The following DLGAP2 variants were observed in gnomAD, a reference collection of about 807,000 sequenced individuals.
DLGAP2 encodes the protein DLG associated protein 2.
Under a neutral mutation model 100.3 loss-of-function variants are expected in DLGAP2, and 26 were observed. The ratio of observed to expected loss-of-function variants is 0.26; its 90% CI spans 0.19 to 0.36. DLGAP2 has a LOEUF of 0.36. Among genes scored for constraint, DLGAP2 ranks in the 10% least tolerant of loss-of-function variants. The probability of loss-of-function intolerance (pLI) is 1.00; values close to 1 mark genes in which losing one functional copy is unlikely to be tolerated. For missense variants in DLGAP2, 1,858 were observed against 1,453.2 expected, an observed-to-expected ratio of 1.28 and a Z score of -4.53; for synonymous variants, 886 against 630.1, an observed-to-expected ratio of 1.41 and a Z score of -6.08.
intron 3 of DLGAP2, among the ~76,000 whole-genome samples, chr8:1,480,099 C>T (rs553085536): frequency 3.9e-5 from 6 of 152,298 alleles, no homozygotes; most frequent in East Asian, 3.9e-4. Flanking sequence ...AGGGACGCCC[C>T]GCGCAGTGCA....
At chr8:1,236,306 T>C (rs1798653538) in intron 2 of DLGAP2, among the ~76,000 whole-genome samples, 1 of 57,400 alleles carries the variant, frequency 1.7e-5, no homozygotes, top group Non-Finnish European at 3.6e-5. Context: ...TCTAGTTCTC[T>C]CACATGGCGC....
intron 2 of DLGAP2, among the ~76,000 whole-genome samples, chr8:1,087,211 T>C (rs934312200): frequency 2.0e-5 from 3 of 152,210 alleles, no homozygotes; most frequent in Non-Finnish European, 4.4e-5. Flanking sequence ...CCGAAACATA[T>C]GAGATGCAGC....
intron 3 of DLGAP2, among the ~76,000 whole-genome samples, chr8:1,326,770 G>A (rs1172422604): frequency 2.0e-5 from 3 of 152,230 alleles, no homozygotes; most frequent in South Asian, 4.1e-4. Flanking sequence ...GAGAGACTAA[G>A]TTCACAGCTG....
At chr8:739,761 TG>T (rs1171364217) in intron 1 of DLGAP2, 1 of 152,238 alleles carries the variant, frequency 6.6e-6, no homozygotes, top group Non-Finnish European at 1.5e-5. Flanking sequence ...TCCTTCTGGA[TG>T]GTGTGACTTT....
chr8:1,314,860 T>C (rs1198318211), intron 3 of DLGAP2, among the ~76,000 whole-genome samples: 1 of 152,238 alleles, frequency 6.6e-6, no homozygotes, highest in Non-Finnish European at 1.5e-5. Flanking sequence ...TCTCTGAATT[T>C]CCATGGGTAA....
At chr8:1,011,577 G>T (rs1425868224) in intron 2 of DLGAP2, among the ~76,000 whole-genome samples, 1 of 146,138 alleles carries the variant, frequency 6.8e-6, no homozygotes, top group Non-Finnish European at 1.5e-5. Context: ...AGGAGTCTCA[G>T]TCTACACAGT....
intron 2 of DLGAP2, among the ~76,000 whole-genome samples, chr8:980,465 T>G (rs1800297788): frequency 6.6e-6 from 1 of 152,220 alleles, no homozygotes; most frequent in African/African-American, 2.4e-5. Context: ...AGTTTCCATT[T>G]CCTGTGTCAT....
At chr8:1,700,162 T>C (rs1049633915) in intron 14 of DLGAP2, among the ~76,000 whole-genome samples, 1 of 152,206 alleles carries the variant, frequency 6.6e-6, no homozygotes, top group African/African-American at 2.4e-5. Flanking sequence ...CTCACACAAC[T>C]GCCTGTCTTC....
At chr8:773,805 C>G (rs1028878090) in intron 1 of DLGAP2, among the ~76,000 whole-genome samples, 18 of 152,164 alleles carry the variant, frequency 1.2e-4, no homozygotes, top group African/African-American at 4.1e-4. Flanking sequence ...CCACAATAAA[C>G]ATACATGTGC....
In DLGAP2 at chr8:1,697,178, A is replaced by G. The variant is rs745529522; in HGVS notation, c.2828A>G (p.Gln943Arg). 1 of 1,606,368 alleles carries G rather than the reference A, an allele frequency of 6.2e-7. No individual in the cohort carries two copies. Among genetic ancestry groups the G allele is most frequent in the Admixed American group, 1.7e-5 (1 of 59,364 alleles). The change falls in exon 14 of 15, where the codon CAG becomes CGG. Residue 943 changes from glutamine to arginine, a missense_variant. Gln to Arg is a conservative substitution (Grantham distance 43). Coordinates refer to ENST00000637795, the MANE Select transcript of DLGAP2 (RefSeq NM_001346810.2). Reference sequence around the variant, plus strand: ...AGCGCCATGCCGAGGCCGACGTCGCAGGACCTGGCCGGCTACTGGGACATG... The same window carrying G: ...AGCGCCATGCCGAGGCCGACGTCGCGGGACCTGGCCGGCTACTGGGACATG... ...DPSAMPRPTS[Q>R]DLAGYWDMLQ...
chr8:1,141,864 T>A (rs1796527884), intron 2 of DLGAP2, among the ~76,000 whole-genome samples: 2 of 152,204 alleles, frequency 1.3e-5, no homozygotes. Context: ...GATGCTTTCT[T>A]TGTTTCTCTA....
Position 1,701,532 on chromosome 8 carries a change from G to A in DLGAP2, c.*126G>A, listed in dbSNP as rs1346765302. ...ACGTCCTCGCTCCCGCGCTCCCCGC[G>A]CCCCGGACACAGCGGGACGCGGCCG... On this transcript the variant is annotated 3_prime_UTR_variant, in exon 15 of 15. Transcript: ENST00000637795. 6.5e-6 allele frequency: 7 copies of A among 1,072,116 alleles called. No homozygotes were observed. Among genetic ancestry groups the A allele is most frequent in the African/African-American group, 3.2e-5 (2 of 61,940 alleles). 66.4% of individuals were successfully genotyped at this position (1,072,116 alleles called of 1,614,324 possible). A position where few individuals can be genotyped will look rare whatever the true frequency, so the allele number is the denominator to read the frequency against.
At chr8:1,413,035 C>G (rs918986829) in intron 3 of DLGAP2, among the ~76,000 whole-genome samples, 1 of 152,264 alleles carries the variant, frequency 6.6e-6, no homozygotes, top group South Asian at 2.1e-4. Context: ...CAAGTGTCCC[C>G]TCCTCTGTGA....
chr8:1,665,246 T>C (rs561280448), intron 8 of DLGAP2, among the ~76,000 whole-genome samples: 9 of 152,290 alleles, frequency 5.9e-5, no homozygotes, highest in Non-Finnish European at 8.8e-5. Context: ...TTAAATACAC[T>C]TAGTGAGGTC....
At chr8:1,288,190 AGT>A (rs1179699312) in intron 3 of DLGAP2, among the ~76,000 whole-genome samples, 60,402 of 93,400 alleles carry the variant, frequency 0.65, 19,206 homozygotes, top group Admixed American at 0.72. Context: ...GTTTCGGTTG[AGT>A]GTGTGTGTGT....
At chr8:918,763 C>G (rs1333163850) in intron 2 of DLGAP2, among the ~76,000 whole-genome samples, 1 of 152,158 alleles carries the variant, frequency 6.6e-6, no homozygotes, top group Admixed American at 6.5e-5. Context: ...GACATAGAGG[C>G]ACGTAGACAT....
chr8:920,569 A>G (rs1176795518), intron 2 of DLGAP2, among the ~76,000 whole-genome samples: 1 of 152,036 alleles, frequency 6.6e-6, no homozygotes, highest in Non-Finnish European at 1.5e-5. Context: ...CAGCCTGGGC[A>G]ACATGGTGAG....
chr8:1,043,840 A>G (rs1802441724), intron 2 of DLGAP2, among the ~76,000 whole-genome samples: 1 of 152,062 alleles, frequency 6.6e-6, no homozygotes, highest in Admixed American at 6.5e-5. Context: ...AGAAGGACAC[A>G]GTAAGGCAGT....
At chr8:1,126,348 A>G (rs1585084603) in intron 2 of DLGAP2, among the ~76,000 whole-genome samples, 1 of 151,898 alleles carries the variant, frequency 6.6e-6, no homozygotes, top group Non-Finnish European at 1.5e-5. Flanking sequence ...ACACAGGCAG[A>G]TGAGGAGGGA....
Sources: allele counts gnomAD v4.1 joint callset (sites outside exome capture counted in the v4.1 genomes callset), GRCh38; gene constraint gnomAD v4.1.1; transcripts MANE v1.5; gene names NCBI Gene and HGNC (gene_info 2026-07-23, HGNC 2026-07-21).